IKZF3: variants seen among roughly 807,000 people sequenced by gnomAD.
IKZF3 encodes the protein IKAROS family zinc finger 3, also known as zinc finger protein Aiolos.
A neutral mutation model predicts 49.0 loss-of-function variants in IKZF3; 10 were observed. The ratio of observed to expected loss-of-function variants is 0.20; its 90% CI spans 0.13 to 0.35. The LOEUF (loss-of-function observed/expected upper bound fraction) is 0.35, where lower values mean the gene tolerates loss of function less well. Among genes scored for constraint, IKZF3 ranks in the 10% least tolerant of loss-of-function variants. The pLI is 1.00. For missense variants in IKZF3, 498 were observed against 664.8 expected (o/e 0.75, Z 2.76); for synonymous variants, 209 against 228.2 (o/e 0.92, Z 0.76).
At position 39,764,681 on chromosome 17, in the gene IKZF3, A is replaced by C. The variant is rs1291710959; in HGVS notation, c.*1109T>G. ...TCATGGAATACAGCAGTTCCATTTA[A>C]ATGGGAAAAAAAGGGCCGAAGCCTG... On this transcript the variant is annotated 3_prime_UTR_variant, in exon 8 of 8. Transcript: ENST00000346872. 6.6e-6 allele frequency: 1 copy of C among 150,834 alleles called. No homozygotes were observed. The highest frequency in any genetic ancestry group is 2.5e-5 in the African/African-American group (1 of 40,180). The allele number at this position is 150,834 out of a possible 1,614,324, so 9.3% of individuals were successfully genotyped here. A position where few individuals can be genotyped will look rare whatever the true frequency, so the allele number is the denominator to read the frequency against.
At chr17:39,844,820 C>G (rs2062581444) in intron 1 of IKZF3, among the ~76,000 whole-genome samples, 1 of 152,040 alleles carries the variant, frequency 6.6e-6, no homozygotes, top group South Asian at 2.1e-4. Flanking sequence ...TGGGGTTTCT[C>G]CATGTTGGTC....
At chr17:39,818,243 A>G (rs985542656) in intron 3 of IKZF3, among the ~76,000 whole-genome samples, 5 of 152,236 alleles carry the variant, frequency 3.3e-5, no homozygotes, top group African/African-American at 1.2e-4. Flanking sequence ...CATTGACCCA[A>G]ACATTATGTG....
chr17:39,835,616 G>A lies in IKZF3; in HGVS notation c.8-3465C>T, dbSNP rs182154659. The A allele has an allele frequency of 4.8e-5, 21 of 436,740 alleles. No individual in the cohort carries two copies. In the East Asian group the frequency reaches 6.1e-4, roughly 13 times the overall value. 27.1% of individuals were successfully genotyped at this position (436,740 alleles called of 1,614,324 possible). ...TGGCGATCTTCTCATACTGGGCCTC[G>A]ACCTCAGCAATGATGCCGTCCGTGT... On this transcript the variant is annotated intron_variant, in intron 1 of 7. Transcript: ENST00000346872.
rs201230036 is a variant in IKZF3, at chr17:39,766,245, G to C, written c.1075C>G (p.Leu359Val). The C allele has an allele frequency of 1.2e-4, 195 of 1,614,042 alleles. No homozygotes were observed. Among genetic ancestry groups the C allele is most frequent in the Non-Finnish European group, 1.6e-4 (188 of 1,180,042 alleles). The change falls in exon 8 of 8, where the codon CTG becomes GTG. Residue 359 changes from leucine to valine, a missense_variant. Transcript: ENST00000346872. ...GGAAGGTGGATGCTTTTCTTTTCCA[G>C]CTCTTGAGGGGCACCGTTTGACATC... ...AEMSNGAPQE[L>V]EKKSIHLPEK...
rs1391783461 is a variant in IKZF3, at chr17:39,850,079, G to GTATATATA, written c.7+14040_7+14041insTATATATA. On this transcript the variant is annotated intron_variant, in intron 1 of 7. Transcript: ENST00000346872. The stretch of plus-strand genomic sequence containing the variant: ...TATTATATATGTATATATACTATAT[G>GTATATATA]CATATATACTATATAGCATATTATA... 3.3e-4 allele frequency among the ~76,000 whole-genome samples: 28 copies of GTATATATA among 85,098 alleles called. 2 individuals are homozygous for GTATATATA. The highest frequency in any genetic ancestry group is 8.3e-4 in the African/African-American group (25 of 30,004). 55.8% of individuals were successfully genotyped at this position (85,098 alleles called of 152,430 possible). A position where few individuals can be genotyped will look rare whatever the true frequency, so the allele number is the denominator to read the frequency against.
intron 2 of IKZF3, among the ~76,000 whole-genome samples, chr17:39,831,625 GA>G (rs1164784669): frequency 6.6e-6 from 1 of 152,180 alleles, no homozygotes; most frequent in African/African-American, 2.4e-5. Flanking sequence ...GTGGGCCCAA[GA>G]GGTAGGAATG....
chr17:39,839,569 AAG>A (rs1205367414), intron 1 of IKZF3: 2 of 500,238 alleles, frequency 4.0e-6, no homozygotes, highest in South Asian at 3.2e-5. Flanking sequence ...CGGAGAAAGG[AAG>A]AGAGGACTGT....
intron 7 of IKZF3, among the ~76,000 whole-genome samples, chr17:39,777,294 A>T (rs1332050499): frequency 1.3e-5 from 2 of 152,274 alleles, no homozygotes; most frequent in East Asian, 3.8e-4. Flanking sequence ...AAATATAATT[A>T]CAAAAGATTA....
intron 1 of IKZF3, among the ~76,000 whole-genome samples, chr17:39,842,320 A>G (rs2144410662): frequency 6.6e-6 from 1 of 152,292 alleles, no homozygotes. Flanking sequence ...CTCAGCCTCA[A>G]GTGTTTGAGA....
intron 6 of IKZF3, among the ~76,000 whole-genome samples, chr17:39,779,688 CGT>C (rs2060686041): frequency 9.2e-6 from 1 of 108,226 alleles, no homozygotes; most frequent in Admixed American, 1.1e-4. Flanking sequence ...CTTTTAAAAA[CGT>C]AAAAATCCCT....
At chr17:39,840,266 G>A (rs1002707486) in intron 1 of IKZF3, among the ~76,000 whole-genome samples, 1 of 152,210 alleles carries the variant, frequency 6.6e-6, no homozygotes, top group African/African-American at 2.4e-5. Context: ...CTCCACTGCA[G>A]AATGTCTCCC....
At chr17:39,790,095 T>C (rs1037716972) in intron 5 of IKZF3, among the ~76,000 whole-genome samples, 6 of 152,198 alleles carry the variant, frequency 3.9e-5, no homozygotes, top group Non-Finnish European at 7.3e-5. Context: ...TGATTGTTGA[T>C]AGAATATACT....
intron 6 of IKZF3, among the ~76,000 whole-genome samples, chr17:39,778,484 G>T (rs1382133112): frequency 6.6e-6 from 1 of 152,056 alleles, no homozygotes; most frequent in East Asian, 1.9e-4. Context: ...CATCTGTATT[G>T]AATTTCTAAT....
chr17:39,834,991 G>T, intron 1 of IKZF3: 1 of 409,018 alleles, frequency 2.4e-6, no homozygotes, highest in South Asian at 1.9e-5. Flanking sequence ...AGAGGACTGG[G>T]ACACCAGCTT....
In IKZF3 at chr17:39,813,303, GAA is replaced by G. The variant is rs71355420; in HGVS notation, c.163+16082_163+16083del. ...TTGCTGTGCTACGCAGCTTAGTTAT[GAA>G]AAAAAAAAAAAAGAAGAAAAGAAAA... On this transcript the variant is annotated intron_variant, in intron 3 of 7. Coordinates refer to ENST00000346872, the MANE Select transcript of IKZF3 (RefSeq NM_012481.5). Among the ~76,000 whole-genome samples, 152 of 126,060 alleles carry G rather than the reference GAA, an allele frequency of 1.2e-3. 1 individual carries two copies. The highest frequency in any genetic ancestry group is 3.8e-3 in the African/African-American group (136 of 35,440). The allele number at this position is 126,060 out of a possible 152,430, so 82.7% of individuals were successfully genotyped here. A position where few individuals can be genotyped will look rare whatever the true frequency, so the allele number is the denominator to read the frequency against.
At chr17:39,792,579 G>T in intron 4 of IKZF3, 94 bp downstream of exon 4, 1 of 1,325,878 alleles carries the variant, frequency 7.5e-7, no homozygotes, top group Non-Finnish European at 1.0e-6. Context: ...AAAAATCAAT[G>T]AAAGTAACCA....
intron 2 of IKZF3, among the ~76,000 whole-genome samples, chr17:39,831,731 C>T (rs1387112501): frequency 1.3e-5 from 2 of 152,066 alleles, no homozygotes; most frequent in Middle Eastern, 3.2e-3. Context: ...TACTATCTGG[C>T]CCTTTACAAA....
chr17:39,816,406 G>C (rs2061679545), intron 3 of IKZF3, among the ~76,000 whole-genome samples: 1 of 152,178 alleles, frequency 6.6e-6, no homozygotes, highest in Non-Finnish European at 1.5e-5. Context: ...TAGGTTAGGA[G>C]TAAGGGAATT....
intron 3 of IKZF3, among the ~76,000 whole-genome samples, chr17:39,814,120 T>C (rs1321895124): frequency 6.6e-6 from 1 of 152,184 alleles, no homozygotes; most frequent in African/African-American, 2.4e-5. Flanking sequence ...ACCGAGACTA[T>C]GCCATGGGAA....
Sources: gnomAD v4.1 joint callset for allele counts (sites outside exome capture counted in the v4.1 genomes callset) on GRCh38, gnomAD v4.1.1 for gene constraint, MANE v1.5 for transcripts, NCBI Gene and HGNC (gene_info 2026-07-23, HGNC 2026-07-21) for gene names.